SLC44A5: variants seen among roughly 807,000 people sequenced by gnomAD.
SLC44A5 encodes choline transporter-like protein 5.
Under a neutral mutation model 101.8 loss-of-function variants are expected in SLC44A5, and 57 were observed. The ratio of observed to expected loss-of-function variants is 0.56; its 90% CI spans 0.45 to 0.70. The LOEUF (loss-of-function observed/expected upper bound fraction) is 0.70. SLC44A5 is among the 30% of genes least tolerant of loss of function. The pLI, the probability that SLC44A5 is intolerant of heterozygous loss-of-function variation, is 0.00. For synonymous variants in SLC44A5, 281 were observed against 290.9 expected, an observed-to-expected ratio of 0.97 and a Z score of 0.35; for missense variants, 737 against 853.1, an observed-to-expected ratio of 0.86 and a Z score of 1.70.
chr1:75,235,450 T>TG (rs1188544122), intron 11 of SLC44A5, among the ~76,000 whole-genome samples: 1 of 151,880 alleles, frequency 6.6e-6, no homozygotes, highest in Non-Finnish European at 1.5e-5. Context: ...CAGGTAGGTG[T>TG]GAAAAAGCCA....
chr1:75,338,506 C>A (rs1247337197), intron 4 of SLC44A5, among the ~76,000 whole-genome samples: 1 of 152,154 alleles, frequency 6.6e-6, no homozygotes, highest in Non-Finnish European at 1.5e-5. Context: ...ACATTCAATG[C>A]TTACAAATAA....
At chr1:75,214,794 C>T (rs1306170621) in intron 19 of SLC44A5, 116 bp from the exon 20 acceptor site, 1 of 762,292 alleles carries the variant, frequency 1.3e-6, no homozygotes, top group Non-Finnish European at 2.1e-6. Context: ...AGAGCTATCT[C>T]CACTCTTTTT....
At chr1:75,365,538 T>A (rs1659795775) in intron 3 of SLC44A5, among the ~76,000 whole-genome samples, 1 of 152,186 alleles carries the variant, frequency 6.6e-6, no homozygotes, top group Admixed American at 6.5e-5. Context: ...CATTACTGGG[T>A]ATATACCCAA....
chr1:75,471,388 CACACACACACACACACACACGT>C (rs1213402235), intron 2 of SLC44A5, among the ~76,000 whole-genome samples: 3 of 151,312 alleles, frequency 2.0e-5, no homozygotes, highest in Admixed American at 6.6e-5. Context: ...TGAAAACACA[CACACACACACACACACACACGT>C]ACACACACAC....
At chr1:75,358,997 C>G (rs1178532258) in intron 3 of SLC44A5, among the ~76,000 whole-genome samples, 1 of 152,014 alleles carries the variant, frequency 6.6e-6, no homozygotes, top group African/African-American at 2.4e-5. Context: ...CCTTCCCTCC[C>G]CTCCCCCTGC....
intron 5 of SLC44A5, among the ~76,000 whole-genome samples, chr1:75,277,966 T>A (rs891171791): frequency 6.6e-6 from 1 of 152,124 alleles, no homozygotes; most frequent in Non-Finnish European, 1.5e-5. Flanking sequence ...CATCATTTTG[T>A]CCCTATTAAT....
the SLC44A5 span, among the ~76,000 whole-genome samples, chr1:75,616,468 C>T: frequency 6.6e-6 from 1 of 152,208 alleles, no homozygotes; most frequent in Admixed American, 6.5e-5. Context: ...TTCGAAGCCC[C>T]CTCTCAAAAG....
chr1:75,680,828 T>A, the SLC44A5 span, among the ~76,000 whole-genome samples: 1 of 87,684 alleles, frequency 1.1e-5, no homozygotes. Flanking sequence ...CAGGAGCTGG[T>A]TTTTTGAAAG....
At chr1:75,484,400 A>G (rs1334774681) in intron 2 of SLC44A5, among the ~76,000 whole-genome samples, 1 of 152,202 alleles carries the variant, frequency 6.6e-6, no homozygotes, top group Non-Finnish European at 1.5e-5. Context: ...ATTAAATCTT[A>G]AAGCTCTAAA....
the SLC44A5 span, among the ~76,000 whole-genome samples, chr1:75,637,445 A>G: frequency 6.6e-6 from 1 of 152,028 alleles, no homozygotes; most frequent in Admixed American, 6.6e-5. Flanking sequence ...TTAAGTATCT[A>G]GAATAGTCAA....
At chr1:75,604,521 T>C (rs6699807) in intron 1 of SLC44A5, among the ~76,000 whole-genome samples, 2 of 152,132 alleles carry the variant, frequency 1.3e-5, no homozygotes, top group Non-Finnish European at 2.9e-5. Flanking sequence ...ATTACTTCCA[T>C]ATGAATTTTA....
chr1:75,577,453 C>T (rs1673436856), intron 1 of SLC44A5, among the ~76,000 whole-genome samples: 2 of 152,180 alleles, frequency 1.3e-5, no homozygotes, highest in South Asian at 2.1e-4. Context: ...AGAGCCTTCG[C>T]ACTTATTCCC....
chr1:75,593,401 T>C (rs1674460515), intron 1 of SLC44A5, among the ~76,000 whole-genome samples: 1 of 152,098 alleles, frequency 6.6e-6, no homozygotes, highest in South Asian at 2.1e-4. Context: ...TGTAAATTAG[T>C]ACAACCACAA....
the SLC44A5 span, among the ~76,000 whole-genome samples, chr1:75,644,144 G>A: frequency 6.6e-6 from 1 of 152,070 alleles, no homozygotes; most frequent in Non-Finnish European, 1.5e-5. Context: ...TAATGGACAT[G>A]TTTTATCCAT....
At chr1:75,683,524 C>T in the SLC44A5 span, among the ~76,000 whole-genome samples, 17 of 152,066 alleles carry the variant, frequency 1.1e-4, no homozygotes, top group East Asian at 1.6e-3. Flanking sequence ...CCAAACACCG[C>T]ATATTCTCAC....
chr1:75,403,433 C>G (rs1460514618), intron 2 of SLC44A5, among the ~76,000 whole-genome samples: 2 of 152,136 alleles, frequency 1.3e-5, no homozygotes, highest in Admixed American at 1.3e-4. Context: ...CGACAGACAC[C>G]TAATAGAAGA....
rs1647854378 is a variant in SLC44A5, at chr1:75,234,109, C to A, written c.741-11G>T. On this transcript the variant is annotated splice_polypyrimidine_tract_variant and intron_variant, in intron 11 of 23. Coordinates refer to ENST00000370859, the MANE Select transcript of SLC44A5 (RefSeq NM_001130058.2). ...GCAATCGTCAGGCCACTAGAAAAAA[C>A]CCACAACAAACACAGTGGTCAAGTG... 1 of 1,598,214 alleles carries A rather than the reference C, an allele frequency of 6.3e-7. No homozygotes were observed. Among genetic ancestry groups the A allele is most frequent in the Non-Finnish European group, 8.6e-7 (1 of 1,166,080 alleles).
At chr1:75,246,849 C>T (rs1049627262) in intron 7 of SLC44A5, among the ~76,000 whole-genome samples, 1 of 151,968 alleles carries the variant, frequency 6.6e-6, no homozygotes, top group African/African-American at 2.4e-5. Flanking sequence ...TTCCTGGATC[C>T]TTTCAAGTAT....
chr1:75,451,862 C>T (rs562316221), intron 2 of SLC44A5, among the ~76,000 whole-genome samples: 1 of 152,068 alleles, frequency 6.6e-6, no homozygotes, highest in African/African-American at 2.4e-5. Context: ...TTATTTAAAG[C>T]AACCAAACCT....
Sources: gnomAD v4.1 joint callset for allele counts (sites outside exome capture counted in the v4.1 genomes callset) on GRCh38, gnomAD v4.1.1 for gene constraint, MANE v1.5 for transcripts, NCBI Gene and HGNC (gene_info 2026-07-23, HGNC 2026-07-21) for gene names.